DNM3: variants seen among roughly 807,000 people sequenced by gnomAD.
The protein encoded by DNM3 is dynamin-3.
In DNM3, 47 loss-of-function variants were observed where a neutral mutation model predicts 101.6. The observed-to-expected ratio is 0.46, with a 90% CI of 0.37 to 0.59. DNM3 has a LOEUF of 0.59. Ranked by LOEUF, DNM3 falls within the 20% of genes least tolerant of loss-of-function variation. The probability of loss-of-function intolerance (pLI) is 0.00; values close to 1 mark genes in which losing one functional copy is unlikely to be tolerated. For missense variants in DNM3, 849 were observed against 1,085.7 expected, an observed-to-expected ratio of 0.78 and a Z score of 3.06; for synonymous variants, 385 against 387.9, an observed-to-expected ratio of 0.99 and a Z score of 0.09.
intron 14 of DNM3, among the ~76,000 whole-genome samples, chr1:172,211,537 T>C (rs1010143198): frequency 6.6e-6 from 1 of 152,262 alleles, no homozygotes; most frequent in South Asian, 2.1e-4. Context: ...AGGATTTTTT[T>C]CCCCTTTTCA....
At chr1:172,379,777 A>C (rs1182187580) in intron 18 of DNM3, among the ~76,000 whole-genome samples, 1 of 151,982 alleles carries the variant, frequency 6.6e-6, no homozygotes, top group East Asian at 1.9e-4. Flanking sequence ...AATGGGTCTA[A>C]ATAACCTTTT....
intron 15 of DNM3, among the ~76,000 whole-genome samples, chr1:172,268,576 C>A (rs1020790852): frequency 5.3e-5 from 8 of 152,070 alleles, no homozygotes; most frequent in Admixed American, 1.3e-4. Context: ...GATTGGAGAA[C>A]CAAAATTCTC....
chr1:171,898,693 CAT>C (rs555998872), intron 1 of DNM3, among the ~76,000 whole-genome samples: 4 of 134,318 alleles, frequency 3.0e-5, no homozygotes, highest in East Asian at 2.1e-4. Flanking sequence ...TGTGTATATA[CAT>C]ATATATATAT....
intron 20 of DNM3, among the ~76,000 whole-genome samples, chr1:172,399,529 G>A (rs1382520294): frequency 6.6e-6 from 1 of 152,148 alleles, no homozygotes; most frequent in African/African-American, 2.4e-5. Context: ...CTCCACGAGT[G>A]TCATTGCTTG....
chr1:172,196,920 C>A (rs2059972372), intron 14 of DNM3, among the ~76,000 whole-genome samples: 2 of 152,186 alleles, frequency 1.3e-5, no homozygotes, highest in South Asian at 4.2e-4. Context: ...AATTAGATCC[C>A]ACTTGTCAAT....
Position 172,032,414 on chromosome 1 carries a change from T to C in DNM3, c.602T>C (p.Ile201Thr). 2 of 1,612,724 alleles carry C rather than the reference T, an allele frequency of 1.2e-6. No individual in the cohort carries two copies. The highest frequency in any genetic ancestry group is 2.2e-5 in the East Asian group (1 of 44,848). ...KEVDPQGLRT[I>T]GVITKLDLMD... is the part of the protein sequence containing the mutation. ...GTTTATGATGCAGGTCTGAGAACCA[T>C]TGGAGTTATCACCAAACTGGACCTT... The change falls in exon 5 of 21, where the codon ATT becomes ACT. Residue 201 changes from isoleucine to threonine, a missense_variant. By Grantham distance (89) the Ile-to-Thr change is moderately conservative (BLOSUM62 -1). Around this residue, in one of 5 missense-constraint regions of DNM3, gnomAD observed 388 missense variants for 483.0 expected, o/e 0.80. Transcript: ENST00000627582.
intron 15 of DNM3, among the ~76,000 whole-genome samples, chr1:172,303,369 A>G (rs1035774875): frequency 6.6e-6 from 1 of 152,256 alleles, no homozygotes; most frequent in Non-Finnish European, 1.5e-5. Flanking sequence ...CATCAAAGAA[A>G]TATAGGACTG....
intron 16 of DNM3, among the ~76,000 whole-genome samples, chr1:172,317,439 T>G (rs1181534636): frequency 2.6e-5 from 4 of 152,098 alleles, no homozygotes; most frequent in Non-Finnish European, 5.9e-5. Flanking sequence ...AAAAAATTAA[T>G]GAATCCAGAA....
chr1:172,358,472 G>GT (rs1427599488), intron 17 of DNM3, among the ~76,000 whole-genome samples: 1 of 152,120 alleles, frequency 6.6e-6, no homozygotes, highest in Non-Finnish European at 1.5e-5. Context: ...TTGCCAAGAT[G>GT]TGGTTTATCA....
intron 1 of DNM3, among the ~76,000 whole-genome samples, chr1:171,906,718 T>G (rs1375854703): frequency 6.8e-6 from 1 of 146,530 alleles, no homozygotes; most frequent in Non-Finnish European, 1.5e-5. Flanking sequence ...GGATTTCCTG[T>G]TTTTTTTGTA....
At chr1:171,998,034 G>A (rs1406931449) in intron 4 of DNM3, among the ~76,000 whole-genome samples, 2 of 152,076 alleles carry the variant, frequency 1.3e-5, no homozygotes, top group Non-Finnish European at 2.9e-5. Context: ...TTTTCTATAG[G>A]TGGAATTGAG....
At chr1:172,217,863 T>C (rs1240125891) in intron 14 of DNM3, among the ~76,000 whole-genome samples, 1 of 152,178 alleles carries the variant, frequency 6.6e-6, no homozygotes, top group African/African-American at 2.4e-5. Flanking sequence ...CCTGTCTTCT[T>C]ATGTTCATGA....
At chr1:171,881,587 G>A (rs1038339127) in intron 1 of DNM3, among the ~76,000 whole-genome samples, 7 of 152,218 alleles carry the variant, frequency 4.6e-5, no homozygotes, top group African/African-American at 1.4e-4. Context: ...GCTCCATAGA[G>A]CCAGGGTCAG....
intron 2 of DNM3, among the ~76,000 whole-genome samples, chr1:171,980,110 G>A (rs1218218499): frequency 2.5e-4 from 38 of 149,768 alleles, no homozygotes; most frequent in Non-Finnish European, 2.2e-4. Flanking sequence ...TTTACCCACT[G>A]CAGGACTCCC....
chr1:172,341,617 T>A (rs1388010455), intron 17 of DNM3, among the ~76,000 whole-genome samples: 2 of 152,032 alleles, frequency 1.3e-5, no homozygotes, highest in Non-Finnish European at 2.9e-5. Context: ...ACAAAGCTGA[T>A]AAAAGCATTG....
intron 4 of DNM3, among the ~76,000 whole-genome samples, chr1:172,008,967 T>C (rs2046908569): frequency 7.3e-6 from 1 of 136,962 alleles, no homozygotes; most frequent in South Asian, 2.1e-4. Context: ...TATATTTATA[T>C]ATTAAACCTA....
chr1:172,356,001 T>A (rs1225611489), intron 17 of DNM3, among the ~76,000 whole-genome samples: 3 of 151,916 alleles, frequency 2.0e-5, no homozygotes, highest in Non-Finnish European at 4.4e-5. Context: ...AGAACAACAG[T>A]TCAGACTTCT....
chr1:172,387,927 AG>A (rs1381648809), intron 19 of DNM3, among the ~76,000 whole-genome samples: 2 of 152,042 alleles, frequency 1.3e-5, no homozygotes, highest in Admixed American at 6.5e-5. Flanking sequence ...GTTAACGGGA[AG>A]CTTTAAAAAA....
chr1:171,915,894 G>A (rs2039672741), intron 1 of DNM3, among the ~76,000 whole-genome samples: 1 of 152,068 alleles, frequency 6.6e-6, no homozygotes, highest in Non-Finnish European at 1.5e-5. Context: ...TTAAATGTTG[G>A]TATTTCTGAG....
Sources: gnomAD v4.1 joint callset for allele counts (sites outside exome capture counted in the v4.1 genomes callset) on GRCh38, gnomAD v4.1.1 for gene constraint, gnomAD v4.1.1 regional missense constraint, MANE v1.5 for transcripts, NCBI Gene and HGNC (gene_info 2026-07-23, HGNC 2026-07-21) for gene names.